Variants in STXBP5L observed in about 807,000 individuals in gnomAD.
The protein encoded by STXBP5L is syntaxin binding protein 5L.
Under a neutral mutation model 144.5 loss-of-function variants are expected in STXBP5L, and 65 were observed. The ratio of observed to expected loss-of-function variants is 0.45; its 90% CI spans 0.37 to 0.55. The LOEUF (loss-of-function observed/expected upper bound fraction) is 0.55, where lower values mean the gene tolerates loss of function less well. STXBP5L is among the 20% of genes least tolerant of loss of function. STXBP5L has a pLI of 0.00. For synonymous variants in STXBP5L, 505 were observed against 469.6 expected (o/e 1.08, Z -0.97); for missense variants, 1,298 against 1,405.5 (o/e 0.92, Z 1.22).
intron 5 of STXBP5L, among the ~76,000 whole-genome samples, chr3:121,097,881 A>C (rs1046006094): frequency 2.0e-5 from 3 of 152,184 alleles, no homozygotes; most frequent in South Asian, 2.1e-4. Flanking sequence ...TATACTTAAG[A>C]TTACATTTAA....
chr3:120,991,239 A>G (rs545890395), intron 3 of STXBP5L, among the ~76,000 whole-genome samples: 11 of 151,704 alleles, frequency 7.3e-5, no homozygotes, highest in Non-Finnish European at 1.3e-4. Context: ...AATGCTCATC[A>G]TCACTGGCCA....
intron 22 of STXBP5L, among the ~76,000 whole-genome samples, chr3:121,402,463 A>G (rs2046902433): frequency 6.6e-6 from 1 of 152,104 alleles, no homozygotes; most frequent in South Asian, 2.1e-4. Flanking sequence ...CACCCCCTTC[A>G]TGTTCCCCCT....
chr3:120,951,012 A>C (rs1330516041), intron 2 of STXBP5L, among the ~76,000 whole-genome samples: 2 of 152,044 alleles, frequency 1.3e-5, no homozygotes, highest in Non-Finnish European at 2.9e-5. Context: ...ATCTACAACT[A>C]TCTGATCTTT....
chr3:121,416,910 C>A (rs1429817460), intron 25 of STXBP5L, among the ~76,000 whole-genome samples: 4 of 152,106 alleles, frequency 2.6e-5, no homozygotes, highest in Non-Finnish European at 5.9e-5. Flanking sequence ...TCCTATAGAT[C>A]AAAATTCTCT....
At chr3:121,334,347 AC>A (rs2044427745) in intron 20 of STXBP5L, among the ~76,000 whole-genome samples, 2 of 152,266 alleles carry the variant, frequency 1.3e-5, no homozygotes, top group African/African-American at 4.8e-5. Context: ...TCCAGCTGAA[AC>A]TATCCCAAAG....
At chr3:121,085,228 C>T (rs1198785901) in intron 5 of STXBP5L, among the ~76,000 whole-genome samples, 1 of 152,070 alleles carries the variant, frequency 6.6e-6, no homozygotes, top group African/African-American at 2.4e-5. Context: ...TAATTACATC[C>T]CGTTTGCCAA....
chr3:121,030,000 A>G (rs1192128559), intron 3 of STXBP5L, among the ~76,000 whole-genome samples: 1 of 152,182 alleles, frequency 6.6e-6, no homozygotes, highest in Non-Finnish European at 1.5e-5. Flanking sequence ...GCCAGTTACA[A>G]TGGTGATTAT....
intron 20 of STXBP5L, among the ~76,000 whole-genome samples, chr3:121,334,749 C>T (rs2044446170): frequency 6.6e-6 from 1 of 152,066 alleles, no homozygotes; most frequent in African/African-American, 2.4e-5. Flanking sequence ...ACATGATCAT[C>T]TCAGTTCAAC....
Position 121,236,830 on chromosome 3 carries a change from T to G in STXBP5L, c.1185-2141T>G, listed in dbSNP as rs139341798. On this transcript the variant is annotated intron_variant, in intron 12 of 26. Transcript: ENST00000471454. The stretch of plus-strand genomic sequence containing the variant: ...CTTTCAGCTGTAAGCTTATAAAATA[T>G]GAAACAAGTTCTTTACTTCCAAGGT... Among the ~76,000 whole-genome samples the G allele has an allele frequency of 2.8e-3, 424 of 152,380 alleles. 5 individuals are homozygous for G. Among genetic ancestry groups the G allele is most frequent in the African/African-American group, 9.8e-3 (407 of 41,592 alleles).
chr3:121,008,951 G>A (rs559434976), intron 3 of STXBP5L, among the ~76,000 whole-genome samples: 200 of 151,668 alleles, frequency 1.3e-3, no homozygotes, highest in Non-Finnish European at 2.4e-3. Flanking sequence ...TTTACCAAGT[G>A]GGTGGTTGAT....
chr3:121,079,301 T>A (rs2042156643), intron 5 of STXBP5L, among the ~76,000 whole-genome samples: 1 of 152,222 alleles, frequency 6.6e-6, no homozygotes, highest in Admixed American at 6.5e-5. Context: ...TTACAACATT[T>A]CTTACATCTT....
At chr3:120,953,165 A>G (rs16831996) in intron 2 of STXBP5L, among the ~76,000 whole-genome samples, 18,240 of 151,998 alleles carry the variant, frequency 0.12, 1,153 homozygotes, top group Non-Finnish European at 0.14. Flanking sequence ...TCTTACAGAC[A>G]TGCTTGAAAT....
intron 7 of STXBP5L, among the ~76,000 whole-genome samples, chr3:121,137,317 T>G (rs1577043237): frequency 6.6e-6 from 1 of 152,096 alleles, no homozygotes; most frequent in Non-Finnish European, 1.5e-5. Context: ...GAAAAAAGAA[T>G]GAAGACCAAA....
intron 12 of STXBP5L, among the ~76,000 whole-genome samples, chr3:121,238,481 T>A (rs2049556129): frequency 6.6e-6 from 1 of 152,070 alleles, no homozygotes; most frequent in African/African-American, 2.4e-5. Flanking sequence ...CCTCCAACAC[T>A]GGGGACTAAA....
At chr3:121,000,118 G>C (rs188054470) in intron 3 of STXBP5L, among the ~76,000 whole-genome samples, 1 of 152,082 alleles carries the variant, frequency 6.6e-6, no homozygotes, top group Non-Finnish European at 1.5e-5. Context: ...GTATCTTCCA[G>C]GGGTTCTCTG....
intron 5 of STXBP5L, among the ~76,000 whole-genome samples, chr3:121,054,509 T>C (rs1373536789): frequency 6.8e-6 from 1 of 146,892 alleles, no homozygotes; most frequent in Non-Finnish European, 1.5e-5. Flanking sequence ...AAACACCGCA[T>C]GTTCTCATTC....
In STXBP5L at chr3:121,407,251, C is replaced by T. The variant is rs774837323; in HGVS notation, c.2596C>T (p.Leu866Phe). 1.4e-5 allele frequency: 22 copies of T among 1,558,482 alleles called. No individual in the cohort carries two copies. The highest frequency in any genetic ancestry group is 1.8e-5 in the Non-Finnish European group (21 of 1,155,058). Reference protein sequence around the residue: ...PVMVLPSGTFLSLKGAVLTFS... With the variant: ...PVMVLPSGTFFSLKGAVLTFS... ...TCCAATTGTTTTTATAGGTACATTC[C>T]TCTCATTGAAAGGAGCTGTGCTAAC... The change falls in exon 23 of 27, where the codon CTC becomes TTC. Residue 866 changes from leucine (L) to phenylalanine (F), a missense_variant. Physicochemically the swap from Leu to Phe is conservative, Grantham distance 22 (BLOSUM62 0). Coordinates refer to ENST00000471454, the MANE Select transcript of STXBP5L (RefSeq NM_001308330.2).
At chr3:121,119,402 T>C (rs1395817310) in intron 6 of STXBP5L, among the ~76,000 whole-genome samples, 1 of 151,276 alleles carries the variant, frequency 6.6e-6, no homozygotes, top group South Asian at 2.1e-4. Context: ...TACATGGCAG[T>C]CTAGGACAGG....
At chr3:120,946,347 T>A (rs13320578) in intron 2 of STXBP5L, among the ~76,000 whole-genome samples, 15,046 of 151,758 alleles carry the variant, frequency 0.099, 1,175 homozygotes, top group Admixed American at 0.2. Flanking sequence ...CCATTTCATA[T>A]TCTAAGATGG....
Sources: allele counts gnomAD v4.1 joint callset (sites outside exome capture counted in the v4.1 genomes callset), GRCh38; gene constraint gnomAD v4.1.1; transcripts MANE v1.5; gene names NCBI Gene and HGNC (gene_info 2026-07-23, HGNC 2026-07-21).